Variants in MARCO observed in about 807,000 individuals in gnomAD.
The protein encoded by MARCO is macrophage receptor with collagenous structure.
In MARCO, 72 loss-of-function variants were observed where a neutral mutation model predicts 70.0. The observed-to-expected ratio is 1.03, with a 90% CI of 0.85 to 1.25. The LOEUF (loss-of-function observed/expected upper bound fraction) is 1.25, where lower values mean the gene tolerates loss of function less well. Among genes scored for constraint, MARCO ranks in the 50% most tolerant of loss-of-function variants. The pLI is 0.00. For missense variants in MARCO, 696 were observed against 659.3 expected, an observed-to-expected ratio of 1.06 and a Z score of -0.61; for synonymous variants, 273 against 243.1, an observed-to-expected ratio of 1.12 and a Z score of -1.14.
chr2:118,973,080 GTCTC>G (rs1415674615), intron 4 of MARCO, among the ~76,000 whole-genome samples: 1 of 149,688 alleles, frequency 6.7e-6, no homozygotes, highest in Non-Finnish European at 1.5e-5. Context: ...CTCTCTCCAT[GTCTC>G]TCTCTCTGTC....
chr2:118,977,281 CAT>C (rs1680300582), intron 6 of MARCO, among the ~76,000 whole-genome samples, 188 bp from the exon 7 acceptor site: 1 of 147,090 alleles, frequency 6.8e-6, no homozygotes, highest in African/African-American at 2.5e-5. Flanking sequence ...TTTGTGCAAT[CAT>C]ATGTGTGTGA....
At chr2:118,969,756 C>T (rs1308256044) in intron 2 of MARCO, among the ~76,000 whole-genome samples, 1 of 152,212 alleles carries the variant, frequency 6.6e-6, no homozygotes, top group Non-Finnish European at 1.5e-5. Context: ...TAAGATCACA[C>T]ACGAATGCTG....
chr2:118,981,895 G>A (rs997262480), intron 10 of MARCO, among the ~76,000 whole-genome samples: 4 of 152,150 alleles, frequency 2.6e-5, no homozygotes, highest in African/African-American at 9.7e-5. Context: ...GGTGGAGTTG[G>A]ACAGTCACAC....
chr2:118,959,371 CAT>C (rs1679899148), intron 1 of MARCO, among the ~76,000 whole-genome samples: 1 of 152,040 alleles, frequency 6.6e-6, no homozygotes. Context: ...GGCCAAGTGA[CAT>C]GTGAAAAAAT....
At chr2:118,944,535 A>G (rs1458634459) in intron 1 of MARCO, among the ~76,000 whole-genome samples, 1 of 152,134 alleles carries the variant, frequency 6.6e-6, no homozygotes, top group Non-Finnish European at 1.5e-5. Context: ...ATTCCCACAT[A>G]TGGTTCATGA....
chr2:118,975,720 TCATGCACACA>T (rs1680268896), intron 6 of MARCO, among the ~76,000 whole-genome samples: 1 of 152,030 alleles, frequency 6.6e-6, no homozygotes, highest in African/African-American at 2.4e-5. Flanking sequence ...GTAATCACAC[TCATGCACACA>T]CATGCACTCA....
chr2:118,986,660 GGAAGGAAGGAAGGAA>G, intron 12 of MARCO, among the ~76,000 whole-genome samples: 2 of 31,084 alleles, frequency 6.4e-5, no homozygotes, highest in Middle Eastern at 0.019. Context: ...AAAGAAGGAA[GGAAGGAAGGAAGGAA>G]AGAAAGAAAG....
chr2:118,960,418 A>G (rs1234161967), intron 1 of MARCO, among the ~76,000 whole-genome samples: 1 of 152,096 alleles, frequency 6.6e-6, no homozygotes, highest in Admixed American at 6.6e-5. Context: ...CAGTTTTTTA[A>G]GTTGAGGAAG....
chr2:118,973,282 T>A (rs1368847420), intron 4 of MARCO, among the ~76,000 whole-genome samples: 1 of 152,164 alleles, frequency 6.6e-6, no homozygotes. Context: ...TCTCTCTCCA[T>A]GTCTCCCTCT....
chr2:118,985,543 C>A (rs1262015817), intron 12 of MARCO, among the ~76,000 whole-genome samples: 1 of 152,094 alleles, frequency 6.6e-6, no homozygotes, highest in African/African-American at 2.4e-5. Flanking sequence ...GGCACCATAC[C>A]CTGCAGAACC....
chr2:118,960,184 A>C (rs1679916391), intron 1 of MARCO, among the ~76,000 whole-genome samples: 2 of 152,006 alleles, frequency 1.3e-5, no homozygotes, highest in South Asian at 2.1e-4. Context: ...TGGTTTATGT[A>C]GATGGTCATG....
At position 118,969,276 on chromosome 2, in the gene MARCO, G is replaced by A; in HGVS notation, c.199+15G>A. 1 of 1,605,362 alleles carries A rather than the reference G, an allele frequency of 6.2e-7. No individual in the cohort carries two copies. The highest frequency in any genetic ancestry group is 2.2e-5 in the East Asian group (1 of 44,828). On this transcript the variant is annotated intron_variant, in intron 2 of 16. Transcript: ENST00000327097. Reference sequence around the variant, plus strand: ...GGTGGTCCAAGGTAAAGCAGGCTTGGTCCTGTGTAGTCCCTCCTGGGGGGA... The same window carrying A: ...GGTGGTCCAAGGTAAAGCAGGCTTGATCCTGTGTAGTCCCTCCTGGGGGGA...
At chr2:118,982,541 G>T in intron 12 of MARCO, 131 bp downstream of exon 12, 2 of 865,700 alleles carry the variant, frequency 2.3e-6, no homozygotes, top group Non-Finnish European at 1.9e-6. Flanking sequence ...GAGGTTCCTG[G>T]TTATGGGGGC....
intron 12 of MARCO, among the ~76,000 whole-genome samples, chr2:118,983,658 T>A (rs1038095077): frequency 2.0e-5 from 3 of 152,216 alleles, no homozygotes; most frequent in African/African-American, 7.2e-5. Flanking sequence ...CTGTCCATTC[T>A]GATCTTATAA....
intron 10 of MARCO, 60 bp from the exon 11 acceptor site, chr2:118,982,096 T>G: frequency 8.3e-7 from 1 of 1,203,240 alleles, no homozygotes; most frequent in Non-Finnish European, 1.2e-6. Context: ...GCACTGGGGG[T>G]TGGGGTATCT....
Position 118,986,672 on chromosome 2 carries a change from G to GGAAGGAAGGAAGGAAGGAAA in MARCO, c.1064-3914_1064-3913insGGAAGGAAGGAAGGAAAGAA. 8.2e-5 allele frequency among the ~76,000 whole-genome samples: 4 copies of GGAAGGAAGGAAGGAAGGAAA among 48,694 alleles called. 1 individual carries two copies. Among genetic ancestry groups the GGAAGGAAGGAAGGAAGGAAA allele is most frequent in the East Asian group, 1.8e-3 (2 of 1,110 alleles). 31.9% of individuals were successfully genotyped at this position (48,694 alleles called of 152,430 possible). On this transcript the variant is annotated intron_variant, in intron 12 of 16. Coordinates refer to ENST00000327097, the MANE Select transcript of MARCO (RefSeq NM_006770.4). ...AAGAAAGAAGGAAGGAAGGAAGGAA[G>GGAAGGAAGGAAGGAAGGAAA]GAAAGAAAGAAAGAAAGAAAGAAAG...
At chr2:118,943,917 A>G (rs1679549437) in intron 1 of MARCO, among the ~76,000 whole-genome samples, 1 of 152,162 alleles carries the variant, frequency 6.6e-6, no homozygotes, top group Non-Finnish European at 1.5e-5. Flanking sequence ...TTTGTCCTAC[A>G]TAGGGATGGC....
chr2:118,981,583 AG>A (rs765215180), intron 9 of MARCO, 37 bp from the exon 10 acceptor site: 56 of 1,605,602 alleles, frequency 3.5e-5, no homozygotes, highest in Non-Finnish European at 8.5e-7. Flanking sequence ...GCTGAGCCAA[AG>A]GAAAAAAAAA....
intron 14 of MARCO, 146 bp downstream of exon 14, chr2:118,992,021 G>A (rs1281703052): frequency 1.5e-6 from 1 of 681,858 alleles, no homozygotes; most frequent in African/African-American, 1.8e-5. Context: ...TGATTGACAA[G>A]TCTTGTGCTG....
Sources: allele counts gnomAD v4.1 joint callset (sites outside exome capture counted in the v4.1 genomes callset), GRCh38; gene constraint gnomAD v4.1.1; transcripts MANE v1.5; gene names NCBI Gene and HGNC (gene_info 2026-07-23, HGNC 2026-07-21).